PARP15: variants seen among roughly 807,000 people sequenced by gnomAD.
The protein encoded by PARP15 is poly(ADP-ribose) polymerase family member 15.
Under a neutral mutation model 62.1 loss-of-function variants are expected in PARP15, and 50 were observed. The ratio of observed to expected loss-of-function variants is 0.81; its 90% CI spans 0.64 to 1.02. The LOEUF (loss-of-function observed/expected upper bound fraction) is 1.02. Ranked by LOEUF, PARP15 falls within the 50% of genes least tolerant of loss-of-function variation. The pLI is 0.00. For synonymous variants in PARP15, 309 were observed against 293.1 expected (o/e 1.05, Z -0.55); for missense variants, 820 against 826.5 (o/e 0.99, Z 0.10).
intron 3 of PARP15, among the ~76,000 whole-genome samples, chr3:122,612,056 T>C (rs1935607347): frequency 7.2e-6 from 1 of 139,622 alleles, no homozygotes; most frequent in Admixed American, 6.9e-5. Flanking sequence ...CTCTCTCTTC[T>C]TTTTTTTTCT....
chr3:122,610,436 G>T, intron 2 of PARP15, 58 bp from the exon 3 acceptor site: 2 of 1,413,480 alleles, frequency 1.4e-6, no homozygotes, highest in Non-Finnish European at 1.9e-6. Flanking sequence ...TAAATTTACA[G>T]TTGCTCCATC....
chr3:122,631,096 G>T (rs1230504462), intron 9 of PARP15, among the ~76,000 whole-genome samples: 1 of 152,180 alleles, frequency 6.6e-6, no homozygotes, highest in Non-Finnish European at 1.5e-5. Context: ...TGTATTCAGG[G>T]GAAAGGAAGC....
At chr3:122,633,454 A>G (rs1020884861) in intron 10 of PARP15, among the ~76,000 whole-genome samples, 9 of 152,004 alleles carry the variant, frequency 5.9e-5, no homozygotes, top group South Asian at 4.1e-4. Context: ...CATGATTTCA[A>G]CCAACCTCGG....
At chr3:122,597,545 A>G (rs1351977440) in intron 1 of PARP15, among the ~76,000 whole-genome samples, 1 of 152,262 alleles carries the variant, frequency 6.6e-6, no homozygotes, top group East Asian at 1.9e-4. Flanking sequence ...TACAGATGTG[A>G]GTCACCGCGC....
At chr3:122,616,573 C>G (rs190765557) in intron 5 of PARP15, among the ~76,000 whole-genome samples, 62 of 152,170 alleles carry the variant, frequency 4.1e-4, no homozygotes, top group Non-Finnish European at 7.9e-4. Context: ...CTCAAGTGAT[C>G]CTCCCACCTC....
chr3:122,616,194 C>A (rs1935954961), intron 5 of PARP15, among the ~76,000 whole-genome samples: 1 of 152,106 alleles, frequency 6.6e-6, no homozygotes, highest in African/African-American at 2.4e-5. Context: ...TCTGTTGCCA[C>A]TGTATAAACG....
At chr3:122,609,905 C>T (rs1409656650) in intron 2 of PARP15, among the ~76,000 whole-genome samples, 2 of 152,172 alleles carry the variant, frequency 1.3e-5, no homozygotes, top group East Asian at 1.9e-4. Context: ...CTGGAGAACT[C>T]AACATCCCTG....
chr3:122,584,352 CA>C (rs1184358087), intron 1 of PARP15, among the ~76,000 whole-genome samples: 1 of 152,078 alleles, frequency 6.6e-6, no homozygotes, highest in Non-Finnish European at 1.5e-5. Context: ...CAAGTGAAGA[CA>C]GTTTTATTTC....
chr3:122,615,771 A>G lies in PARP15; in HGVS notation c.772-8A>G. The G allele has an allele frequency of 6.2e-7, 1 of 1,611,166 alleles. No individual in the cohort carries two copies. Among genetic ancestry groups the G allele is most frequent in the Non-Finnish European group, 8.5e-7 (1 of 1,177,380 alleles). ...ATTGTTGTAGTCAGTAACTGTTTCT[A>G]TTTCCAGGCATTTTTAGATGAATTC... is the stretch of plus-strand genomic sequence containing the variant. On this transcript the variant is annotated splice_region_variant and splice_polypyrimidine_tract_variant and intron_variant, in intron 4 of 11. Transcript: ENST00000464300.
In PARP15 at chr3:122,613,754, T is replaced by A. The variant is rs545452516; in HGVS notation, c.771+486T>A. ...CACTGACATTAGAAGAATGGTATAC[T>A]TAGGTTTAATCTCAGTTTTGCCATT... On this transcript the variant is annotated intron_variant, in intron 4 of 11. Coordinates refer to ENST00000464300, the MANE Select transcript of PARP15 (RefSeq NM_001113523.3). Among the ~76,000 whole-genome samples the A allele has an allele frequency of 2.0e-5, 3 of 152,090 alleles. No individual in the cohort carries two copies. The East Asian group carries it at 5.8e-4, about 29-fold the overall frequency.
Position 122,618,474 on chromosome 3 carries a change from G to A in PARP15, c.1001-1307G>A, listed in dbSNP as rs1326425392. ...TAGAGAAAATTTAGTACCTGCAGGCGAGAAGAGTAGCCCCAGAGACACAGG... is the reference window on the plus strand; with the variant it reads ...TAGAGAAAATTTAGTACCTGCAGGCAAGAAGAGTAGCCCCAGAGACACAGG... On this transcript the variant is annotated intron_variant, in intron 6 of 11. Transcript: ENST00000464300. 2.6e-5 allele frequency among the ~76,000 whole-genome samples: 4 copies of A among 152,174 alleles called. No homozygotes were observed. In the East Asian group the frequency reaches 7.7e-4, roughly 29 times the overall value.
At chr3:122,626,347 C>T (rs1303822408) in intron 8 of PARP15, among the ~76,000 whole-genome samples, 3 of 151,930 alleles carry the variant, frequency 2.0e-5, no homozygotes, top group South Asian at 4.2e-4. Context: ...TACAGGTGCC[C>T]GCCACAACGC....
At chr3:122,588,183 TTAAG>T (rs1378908147) in intron 1 of PARP15, among the ~76,000 whole-genome samples, 2 of 152,134 alleles carry the variant, frequency 1.3e-5, no homozygotes, top group African/African-American at 2.4e-5. Context: ...TGTCTTGAGA[TTAAG>T]TTTTATTTTA....
At chr3:122,615,021 CTCTG>C (rs1222048894) in intron 4 of PARP15, 2 of 903,460 alleles carry the variant, frequency 2.2e-6, no homozygotes, top group African/African-American at 4.5e-5. Flanking sequence ...CAGAATGAGA[CTCTG>C]TCTGCAAAAA....
chr3:122,602,150 T>C (rs1934847887), intron 1 of PARP15, among the ~76,000 whole-genome samples: 1 of 152,120 alleles, frequency 6.6e-6, no homozygotes, highest in Admixed American at 6.6e-5. Context: ...CTCTTTTACT[T>C]ATCAGGTGCA....
rs1254398805 is a variant in PARP15, at chr3:122,635,201, A to G, written c.1747+7A>G. ...AGTTGTGCTGGGAAAAATGGTAAGG[A>G]AGCAAGTAATTTGGCTGATCAGAAT... is the stretch of plus-strand genomic sequence containing the variant. On this transcript the variant is annotated splice_region_variant and intron_variant, in intron 11 of 11. Coordinates refer to ENST00000464300, the MANE Select transcript of PARP15 (RefSeq NM_001113523.3). The G allele has an allele frequency of 6.2e-7, 1 of 1,612,476 alleles. No individual in the cohort carries two copies. The highest frequency in any genetic ancestry group is 1.1e-5 in the South Asian group (1 of 90,798).
chr3:122,583,915 G>A (rs1356056454), intron 1 of PARP15, among the ~76,000 whole-genome samples: 4 of 152,218 alleles, frequency 2.6e-5, no homozygotes, highest in South Asian at 2.1e-4. Flanking sequence ...TTTAGCCTCC[G>A]GTAAGTCCCA....
At chr3:122,606,319 A>G (rs1029719023) in intron 2 of PARP15, among the ~76,000 whole-genome samples, 1 of 152,170 alleles carries the variant, frequency 6.6e-6, no homozygotes, top group African/African-American at 2.4e-5. Flanking sequence ...ATTTCTCTGT[A>G]ACTGATCTTG....
intron 8 of PARP15, among the ~76,000 whole-genome samples, chr3:122,626,196 C>CTTTT (rs34106420): frequency 3.3e-5 from 4 of 122,112 alleles, no homozygotes; most frequent in African/African-American, 6.3e-5. Context: ...AGCTGTCACT[C>CTTTT]TTTTTTTTTT....
Sources: allele counts gnomAD v4.1 joint callset (sites outside exome capture counted in the v4.1 genomes callset), GRCh38; gene constraint gnomAD v4.1.1; transcripts MANE v1.5; gene names NCBI Gene and HGNC (gene_info 2026-07-23, HGNC 2026-07-21).